GAS6: variants seen among roughly 807,000 people sequenced by gnomAD.
The protein encoded by GAS6 is growth arrest specific 6.
In GAS6, 41 loss-of-function variants were observed where a neutral mutation model predicts 75.8. That is an observed-to-expected ratio of 0.54 (90% CI 0.42 to 0.70). The LOEUF (loss-of-function observed/expected upper bound fraction) is 0.70. GAS6 is among the 30% of genes least tolerant of loss of function. GAS6 has a pLI of 0.00. For missense variants in GAS6, 854 were observed against 940.2 expected (o/e 0.91, Z 1.20); for synonymous variants, 432 against 412.6 (o/e 1.05, Z -0.57).
At chr13:113,838,218 G>A in intron 5 of GAS6, 27 bp from the exon 6 acceptor site, 2 of 1,610,996 alleles carry the variant, frequency 1.2e-6, no homozygotes, top group Non-Finnish European at 1.7e-6. Flanking sequence ...GCCTGAAGGG[G>A]AGCCCAAGGG....
At position 113,863,635 on chromosome 13, in the gene GAS6, G is replaced by A. The variant is rs1218139891; in HGVS notation, c.195C>T (p.Cys65=). The change falls in exon 2 of 15, where the codon TGC becomes TGT. Residue 65 remains cysteine, a synonymous_variant. Transcript: ENST00000327773. The surrounding 1 kb of genome is among the most constrained non-coding windows in gnomAD (Gnocchi z 9.4). ...CCTCGCGGCTGCACAGCTCCTCCAC[G>A]CACTCCCTCTCCAGGTGGCCCTGCT... is the stretch of plus-strand genomic sequence containing the variant. The part of the protein sequence containing the change: ...EAKQGHLERE[C]VEELCSREEA... The A allele has an allele frequency of 2.6e-6, 4 of 1,526,856 alleles. No individual in the cohort carries two copies. The South Asian group carries it at 3.6e-5, about 14-fold the overall frequency. 94.6% of individuals were successfully genotyped at this position (1,526,856 alleles called of 1,614,324 possible). A position where few individuals can be genotyped will look rare whatever the true frequency, so the allele number is the denominator to read the frequency against.
intron 10 of GAS6, among the ~76,000 whole-genome samples, chr13:113,829,422 A>AGT (rs2051600042): frequency 2.7e-5 from 4 of 149,384 alleles, no homozygotes; most frequent in South Asian, 2.1e-4. Context: ...AATCTCAGGG[A>AGT]CACCACCTGA....
Position 113,863,874 on chromosome 13 carries a change from G to A in GAS6, c.47C>T (p.Pro16Leu). The A allele has an allele frequency of 1.6e-6, 2 of 1,229,632 alleles. No individual in the cohort carries two copies. The highest frequency in any genetic ancestry group is 2.0e-6 in the Non-Finnish European group (2 of 988,518). 76.2% of individuals were successfully genotyped at this position (1,229,632 alleles called of 1,614,324 possible). The part of the protein sequence containing the change: ...SPGPAALRRA[P>L]QLLLLLLAAE... ...GGCCAGCAGCAGCAGCAGCAGCTGC[G>A]GCGCGCGGCGCAGGGCGGCGGGCCC... The change falls in exon 1 of 15, where the codon CCG becomes CTG. Residue 16 changes from proline (P) to leucine (L), a missense_variant. Transcript: ENST00000327773. This position sits in a 1 kb window ranked among gnomAD's most constrained non-coding sequence, Gnocchi z 9.4.
chr13:113,841,171 CA>C (rs772999518), intron 4 of GAS6: 5 of 152,360 alleles, frequency 3.3e-5, no homozygotes, highest in Non-Finnish European at 7.3e-5. Flanking sequence ...TGGCCGGGGT[CA>C]GGGGTGCCCG....
At chr13:113,856,880 T>C (rs1473972696) in intron 2 of GAS6, among the ~76,000 whole-genome samples, 2 of 152,152 alleles carry the variant, frequency 1.3e-5, no homozygotes, top group African/African-American at 4.8e-5. Flanking sequence ...AAAGAAACAA[T>C]GTTGACTCAG....
intron 7 of GAS6, 146 bp from the exon 8 acceptor site, chr13:113,834,818 T>C: frequency 3.7e-6 from 3 of 811,006 alleles, no homozygotes; most frequent in South Asian, 5.0e-5. Context: ...GGGGGTCGCG[T>C]CCCCCCCCAC....
At position 113,832,519 on chromosome 13, in the gene GAS6, C is replaced by T. The variant is rs758057920; in HGVS notation, c.954-31G>A. 8 of 1,594,394 alleles carry T rather than the reference C, an allele frequency of 5.0e-6. No homozygotes were observed. The Admixed American group carries it at 1.2e-4, about 24-fold the overall frequency. On this transcript the variant is annotated intron_variant, in intron 9 of 14. Transcript: ENST00000327773. Reference sequence around the variant, plus strand: ...CACCCACAGGAGAAATGAGTCAGCACTGGGCACAGGCAGATGCCCGGCCCC... The same window carrying T: ...CACCCACAGGAGAAATGAGTCAGCATTGGGCACAGGCAGATGCCCGGCCCC...
Position 113,848,097 on chromosome 13 carries a change from G to A in GAS6, c.256-47C>T, listed in dbSNP as rs752123858. 6.9e-6 allele frequency: 11 copies of A among 1,597,992 alleles called. No individual in the cohort carries two copies. The highest frequency in any genetic ancestry group is 1.1e-5 in the South Asian group (1 of 90,282). ...AGGCAAGCATTGACCGGCACACTAC[G>A]AGGGTCTCTGAACAACATAAGCATC... On this transcript the variant is annotated intron_variant, in intron 2 of 14. Transcript: ENST00000327773. The surrounding 1 kb of genome is among the most constrained non-coding windows in gnomAD (Gnocchi z 4.8).
chr13:113,824,172 G>A (rs760658120), intron 12 of GAS6, among the ~76,000 whole-genome samples: 5 of 134,806 alleles, frequency 3.7e-5, no homozygotes, highest in Admixed American at 7.2e-5. Context: ...GTGGTCTGGG[G>A]TCTGAGCTGT....
chr13:113,832,663 T>C lies in GAS6; in HGVS notation c.924A>G (p.Arg308=), dbSNP rs2051643744. ...TGGGCTGCAGCCTCTTGAAGCGCAG[T>C]CGGATCACGGGGGTCCCACTGAACA... is the stretch of plus-strand genomic sequence containing the variant. ...GRMFSGTPVI[R]LRFKRLQPTR... Residue 308 remains arginine, a synonymous_variant, in exon 9 of 15, where the codon CGA becomes CGG. Coordinates refer to ENST00000327773, the MANE Select transcript of GAS6 (RefSeq NM_000820.4). 1.2e-6 allele frequency: 2 copies of C among 1,612,754 alleles called. No homozygotes were observed. Among genetic ancestry groups the C allele is most frequent in the African/African-American group, 1.3e-5 (1 of 75,060 alleles).
At position 113,848,600 on chromosome 13, in the gene GAS6, C is replaced by T. The variant is rs1047792482; in HGVS notation, c.256-550G>A. Reference sequence around the variant, plus strand: ...TGCCTGTCACTTGGCCAGCAGAGGCCGGCCGGAAACTTCTTCAGGATCCTT... The same window carrying T: ...TGCCTGTCACTTGGCCAGCAGAGGCTGGCCGGAAACTTCTTCAGGATCCTT... On this transcript the variant is annotated intron_variant, in intron 2 of 14. Coordinates refer to ENST00000327773, the MANE Select transcript of GAS6 (RefSeq NM_000820.4). This position sits in a 1 kb window ranked among gnomAD's most constrained non-coding sequence, Gnocchi z 4.8. Among the ~76,000 whole-genome samples the T allele has an allele frequency of 1.3e-5, 2 of 152,094 alleles. No homozygotes were observed. The highest frequency in any genetic ancestry group is 2.4e-5 in the African/African-American group (1 of 41,398).
intron 12 of GAS6, among the ~76,000 whole-genome samples, chr13:113,824,533 G>C (rs1186614373): frequency 6.6e-6 from 1 of 152,162 alleles, no homozygotes; most frequent in Admixed American, 6.5e-5. Flanking sequence ...AAAAACTTCC[G>C]CCCTGTTTTC....
At chr13:113,833,125 G>C in intron 8 of GAS6, 1 of 1,170,976 alleles carries the variant, frequency 8.5e-7, no homozygotes, top group Non-Finnish European at 1.1e-6. Context: ...GGCTGTCCTG[G>C]AAAGTTCCCT....
At position 113,832,698 on chromosome 13, in the gene GAS6, G is replaced by C. The variant is rs1036302663; in HGVS notation, c.889C>G (p.Leu297Val). The C allele has an allele frequency of 5.0e-6, 8 of 1,612,774 alleles. No homozygotes were observed. The highest frequency in any genetic ancestry group is 6.8e-6 in the Non-Finnish European group (8 of 1,179,974). The change falls in exon 9 of 15, where the codon CTG becomes GTG. Residue 297 changes from leucine (L) to valine (V), a missense_variant. Coordinates refer to ENST00000327773, the MANE Select transcript of GAS6 (RefSeq NM_000820.4). Reference sequence around the variant, plus strand: ...GGGGTCCCACTGAACATCCGGCCCAGGTACAAGGACTTCACACTCTTGGCC... The same window carrying C: ...GGGGTCCCACTGAACATCCGGCCCACGTACAAGGACTTCACACTCTTGGCC... ...SVAKSVKSLY[L>V]GRMFSGTPVI...
In GAS6 at chr13:113,844,790, C is replaced by G. The variant is rs979199203; in HGVS notation, c.343+1737G>C. 1 of 150,420 alleles carries G rather than the reference C, an allele frequency of 6.6e-6. No individual in the cohort carries two copies. The highest frequency in any genetic ancestry group is 1.5e-5 in the Non-Finnish European group (1 of 68,052). 9.3% of individuals were successfully genotyped at this position (150,420 alleles called of 1,614,324 possible). On this transcript the variant is annotated intron_variant, in intron 4 of 14. Transcript: ENST00000327773. The surrounding 1 kb of genome is among the most constrained non-coding windows in gnomAD (Gnocchi z 5.7). ...TATGAGGACGGCAGCAGGTGAGGCA[C>G]TGGGGTGAGACAGACTCAAATGTGT...
intron 2 of GAS6, among the ~76,000 whole-genome samples, chr13:113,857,283 G>C (rs926566897): frequency 6.6e-6 from 1 of 152,208 alleles, no homozygotes; most frequent in Non-Finnish European, 1.5e-5. Context: ...AGAGCAGAGA[G>C]TGCCTCTGTC....
intron 14 of GAS6, chr13:113,821,538 C>T (rs916660775): frequency 3.4e-5 from 8 of 237,964 alleles, no homozygotes; most frequent in East Asian, 2.8e-4. Context: ...CCATGGGACA[C>T]GGCAGGACGC....
intron 12 of GAS6, among the ~76,000 whole-genome samples, chr13:113,826,386 GC>G (rs1406372254): frequency 2.7e-5 from 4 of 147,756 alleles, no homozygotes; most frequent in African/African-American, 2.6e-5. Flanking sequence ...AGCCTCCCCG[GC>G]CTCGCAGGCA....
rs897584782 is a variant in GAS6 at position 113,863,851 on chromosome 13, CCAGCAG to C, written c.64_69del (p.Leu22_Leu23del). On this transcript the variant is annotated inframe_deletion, in exon 1 of 15. Transcript: ENST00000327773. The surrounding 1 kb of genome is among the most constrained non-coding windows in gnomAD (Gnocchi z 9.4). ...GACTCACCAAGCGCGCACTCCGCGG[CCAGCAG>C]CAGCAGCAGCAGCTGCGGCGCGCGG... The C allele has an allele frequency of 3.9e-6, 5 of 1,267,416 alleles. No individual in the cohort carries two copies. The highest frequency in any genetic ancestry group is 1.6e-5 in the African/African-American group (1 of 63,674). The allele number at this position is 1,267,416 out of a possible 1,614,324, so 78.5% of individuals were successfully genotyped here.
Sources: gnomAD v4.1 joint callset for allele counts (sites outside exome capture counted in the v4.1 genomes callset) on GRCh38, gnomAD v4.1.1 for gene constraint, Gnocchi (gnomAD v3.1) non-coding constraint, MANE v1.5 for transcripts, NCBI Gene and HGNC (gene_info 2026-07-23, HGNC 2026-07-21) for gene names.